The following OCM variants were observed in gnomAD, a reference collection of about 807,000 sequenced individuals.
The protein encoded by OCM is oncomodulin-1.
In OCM, 18 loss-of-function variants were observed where a neutral mutation model predicts 14.1. The ratio of observed to expected loss-of-function variants is 1.28; its 90% CI spans 0.88 to 1.89. OCM has a LOEUF of 1.89. Among genes scored for constraint, OCM ranks in the 40% most tolerant of loss-of-function variants. The pLI is 0.00. For missense variants in OCM, 140 were observed against 137.6 expected (o/e 1.02, Z -0.09); for synonymous variants, 48 against 51.0 (o/e 0.94, Z 0.25).
the OCM span, among the ~76,000 whole-genome samples, chr7:5,869,970 C>T: frequency 1.3e-5 from 2 of 152,158 alleles, no homozygotes; most frequent in Admixed American, 1.3e-4. Context: ...TATGTTTGCG[C>T]CATCCTCCAG....
intron 2 of OCM, 98 bp downstream of exon 2, chr7:5,882,723 C>A (rs1447275432): frequency 1.4e-6 from 2 of 1,422,502 alleles, no homozygotes; most frequent in African/African-American, 2.9e-5. Flanking sequence ...AATGGCCAGC[C>A]TTGGTGTTGG....
intron 1 of OCM, among the ~76,000 whole-genome samples, 173 bp from the exon 2 acceptor site, chr7:5,882,320 G>C (rs1302952821): frequency 6.6e-6 from 1 of 152,008 alleles, no homozygotes. Context: ...GACATGGGAT[G>C]CCATCACAGA....
chr7:5,885,136 AC>A (rs1781306360), intron 3 of OCM, among the ~76,000 whole-genome samples: 1 of 150,938 alleles, frequency 6.6e-6, no homozygotes, highest in African/African-American at 2.4e-5. Flanking sequence ...AAAAAAAAAA[AC>A]ATAACCATGA....
At chr7:5,867,317 A>T in the OCM span, among the ~76,000 whole-genome samples, 1 of 152,172 alleles carries the variant, frequency 6.6e-6, no homozygotes, top group Non-Finnish European at 1.5e-5. Flanking sequence ...ATCTCAAAAA[A>T]AAAGAAGAGA....
intron 1 of OCM, 81 bp downstream of exon 1, chr7:5,881,031 C>A (rs1348479772): frequency 5.6e-6 from 8 of 1,430,506 alleles, no homozygotes; most frequent in African/African-American, 1.4e-5. Context: ...AAAATGTAGG[C>A]CAGGCGGCCA....
the OCM span, among the ~76,000 whole-genome samples, chr7:5,874,739 C>G: frequency 6.6e-6 from 1 of 151,982 alleles, no homozygotes; most frequent in Non-Finnish European, 1.5e-5. Flanking sequence ...CTCCTGGCTT[C>G]AAGCAATTTT....
upstream of OCM, among the ~76,000 whole-genome samples, chr7:5,878,472 C>T (rs1389782184): frequency 6.6e-6 from 1 of 150,998 alleles, no homozygotes; most frequent in African/African-American, 2.4e-5. Flanking sequence ...ATTGGCCGGG[C>T]GCGGTGGCTC....
chr7:5,877,060 C>T (rs1781109561), upstream of OCM, among the ~76,000 whole-genome samples: 2 of 152,174 alleles, frequency 1.3e-5, no homozygotes, highest in South Asian at 4.1e-4. Context: ...CCTGCCTCGG[C>T]CTCCCAAAGT....
At chr7:5,884,478 G>A (rs1363525208) in intron 3 of OCM, among the ~76,000 whole-genome samples, 3 of 152,132 alleles carry the variant, frequency 2.0e-5, no homozygotes, top group Non-Finnish European at 2.9e-5. Context: ...CCGCCAAGGG[G>A]ATAATATTAA....
chr7:5,870,473 T>C, the OCM span, among the ~76,000 whole-genome samples: 1 of 152,186 alleles, frequency 6.6e-6, no homozygotes, highest in Non-Finnish European at 1.5e-5. Flanking sequence ...CCAGAACAAG[T>C]CCTTATTCAT....
the OCM span, among the ~76,000 whole-genome samples, chr7:5,866,997 A>G: frequency 6.6e-6 from 1 of 152,222 alleles, no homozygotes; most frequent in African/African-American, 2.4e-5. Flanking sequence ...CCATATCATT[A>G]AGTAGACTTG....
At chr7:5,878,760 A>C (rs1781148031), upstream of OCM, among the ~76,000 whole-genome samples, 1 of 149,466 alleles carries the variant, frequency 6.7e-6, no homozygotes, top group South Asian at 2.1e-4. Context: ...AAAACAAAAA[A>C]AAAAAATGGT....
intron 1 of OCM, among the ~76,000 whole-genome samples, chr7:5,882,109 A>G (rs1279209147): frequency 6.7e-6 from 1 of 148,432 alleles, no homozygotes; most frequent in Non-Finnish European, 1.5e-5. Context: ...AAAAAAAAAA[A>G]AAAAAAAAAA....
chr7:5,860,571 A>G, the OCM span, among the ~76,000 whole-genome samples: 3 of 90,542 alleles, frequency 3.3e-5, no homozygotes, highest in African/African-American at 1.4e-4. Context: ...ATACGTGTGT[A>G]TATATATTAC....
chr7:5,883,214 A>C (rs4565363), intron 2 of OCM, among the ~76,000 whole-genome samples: 1 of 152,130 alleles, frequency 6.6e-6, no homozygotes, highest in East Asian at 1.9e-4. Context: ...GGCTAAGCGC[A>C]GTGGCTCACG....
At chr7:5,868,348 A>G in the OCM span, among the ~76,000 whole-genome samples, 16 of 151,656 alleles carry the variant, frequency 1.1e-4, no homozygotes, top group South Asian at 4.2e-4. Context: ...GGGTCTCACT[A>G]TGTTGCTCAG....
intron 3 of OCM, among the ~76,000 whole-genome samples, chr7:5,884,931 C>T (rs1241645667): frequency 1.3e-5 from 2 of 151,932 alleles, no homozygotes; most frequent in African/African-American, 4.8e-5. Context: ...ACTAGACTGA[C>T]CAACATGGTG....
At chr7:5,884,050 C>A in intron 3 of OCM, 51 bp downstream of exon 3, 1 of 1,605,166 alleles carries the variant, frequency 6.2e-7, no homozygotes, top group Non-Finnish European at 8.5e-7. Flanking sequence ...AGGAAGCATC[C>A]GTGAGGGCTT....
At chr7:5,880,472 A>C (rs551654269), upstream of OCM, among the ~76,000 whole-genome samples, 3 of 152,214 alleles carry the variant, frequency 2.0e-5, no homozygotes, top group South Asian at 6.2e-4. Flanking sequence ...TAAAAATTCT[A>C]GACAGGCCTG....
Sources: gnomAD v4.1 joint callset for allele counts (sites outside exome capture counted in the v4.1 genomes callset) on GRCh38, gnomAD v4.1.1 for gene constraint, MANE v1.5 for transcripts, NCBI Gene and HGNC (gene_info 2026-07-23, HGNC 2026-07-21) for gene names.